Variants in TRIM49 observed in about 807,000 individuals in gnomAD.
TRIM49 encodes tripartite motif-containing protein 49.
A neutral mutation model predicts 27.4 loss-of-function variants in TRIM49; 5 were observed. That is an observed-to-expected ratio of 0.18 (90% CI 0.10 to 0.38). The LOEUF (loss-of-function observed/expected upper bound fraction) is 0.38. Ranked by LOEUF, TRIM49 falls within the 10% of genes least tolerant of loss-of-function variation. The pLI, the probability that TRIM49 is intolerant of heterozygous loss-of-function variation, is 1.00. For missense variants in TRIM49, 188 were observed against 487.5 expected, an observed-to-expected ratio of 0.39 and a Z score of 5.79; for synonymous variants, 69 against 166.0, an observed-to-expected ratio of 0.42 and a Z score of 4.49.
At chr11:89,773,790 T>A in the TRIM49 span, among the ~76,000 whole-genome samples, 1 of 131,798 alleles carries the variant, frequency 7.6e-6, no homozygotes, top group Admixed American at 7.0e-5. Context: ...AATACAAACT[T>A]AGCTGGGCTT....
the TRIM49 span, chr11:89,766,838 C>T: frequency 1.5e-6 from 2 of 1,329,302 alleles, no homozygotes. Flanking sequence ...TAGATTTAAA[C>T]ATTGTGCTAT....
the TRIM49 span, among the ~76,000 whole-genome samples, chr11:89,770,746 G>T: frequency 3.5e-5 from 5 of 142,734 alleles, 2 homozygotes; most frequent in African/African-American, 1.4e-4. Context: ...AGCGCCTGTA[G>T]TCCCAGCTAC....
At chr11:89,795,851 G>T (rs1183654786), downstream of TRIM49, among the ~76,000 whole-genome samples, 6 of 151,674 alleles carry the variant, frequency 4.0e-5, no homozygotes, top group South Asian at 6.3e-4. Flanking sequence ...AAATCTGCAC[G>T]TTGTGCACAT....
At chr11:89,772,187 CT>C in the TRIM49 span, among the ~76,000 whole-genome samples, 1 of 137,692 alleles carries the variant, frequency 7.3e-6, no homozygotes, top group Non-Finnish European at 1.5e-5. Flanking sequence ...AATATATTTT[CT>C]TTTTATTTTC....
At chr11:89,782,119 T>A in the TRIM49 span, 1 of 1,551,200 alleles carries the variant, frequency 6.4e-7, no homozygotes, top group South Asian at 1.2e-5. Flanking sequence ...GAACAGCAGA[T>A]ACCAATATCG....
At chr11:89,773,789 T>C in the TRIM49 span, among the ~76,000 whole-genome samples, 1 of 131,840 alleles carries the variant, frequency 7.6e-6, no homozygotes, top group South Asian at 2.4e-4. Flanking sequence ...AAATACAAAC[T>C]TAGCTGGGCT....
chr11:89,779,952 G>T, the TRIM49 span, among the ~76,000 whole-genome samples: 6,148 of 92,768 alleles, frequency 0.066, 231 homozygotes, highest in East Asian at 0.17. Flanking sequence ...CGGAAGTTTG[G>T]TTTCCCAATC....
chr11:89,775,627 A>C, the TRIM49 span, among the ~76,000 whole-genome samples: 2 of 133,538 alleles, frequency 1.5e-5, 1 homozygote, highest in African/African-American at 6.9e-5. Context: ...AATTCTTGTT[A>C]ATTATTATAG....
At chr11:89,773,235 T>G in the TRIM49 span, among the ~76,000 whole-genome samples, 3 of 131,742 alleles carry the variant, frequency 2.3e-5, no homozygotes, top group African/African-American at 1.0e-4. Flanking sequence ...AAATAATTAT[T>G]ATATAATTTT....
the TRIM49 span, among the ~76,000 whole-genome samples, chr11:89,767,842 T>A: frequency 7.3e-6 from 1 of 136,280 alleles, no homozygotes; most frequent in Non-Finnish European, 1.5e-5. Context: ...AGTCATTAAC[T>A]GCACTGAATT....
At chr11:89,802,366 G>C (rs1403926383) in intron 4 of TRIM49, among the ~76,000 whole-genome samples, 1 of 150,234 alleles carries the variant, frequency 6.7e-6, no homozygotes, top group Non-Finnish European at 1.5e-5. Flanking sequence ...AGTGCATTTC[G>C]CTCAGCAAAA....
the TRIM49 span, chr11:89,777,459 A>T: frequency 1.3e-6 from 2 of 1,523,778 alleles, no homozygotes; most frequent in East Asian, 4.9e-5. Flanking sequence ...TGTGATAATG[A>T]TGGTGATGAG....
chr11:89,783,973 A>G, the TRIM49 span, among the ~76,000 whole-genome samples: 1 of 143,186 alleles, frequency 7.0e-6, no homozygotes, highest in Non-Finnish European at 1.5e-5. Context: ...AGTAGGAGGG[A>G]CAAGAGTATT....
At chr11:89,772,731 G>C in the TRIM49 span, among the ~76,000 whole-genome samples, 3 of 133,230 alleles carry the variant, frequency 2.3e-5, 1 homozygote, top group Non-Finnish European at 4.6e-5. Context: ...TGTGCCCATT[G>C]CTCTATCTGG....
the TRIM49 span, chr11:89,768,808 A>G: frequency 4.3e-5 from 22 of 505,816 alleles, 2 homozygotes; most frequent in Non-Finnish European, 1.2e-5. Flanking sequence ...ATGGCCATTA[A>G]CATACCTTGC....
downstream of TRIM49, among the ~76,000 whole-genome samples, chr11:89,794,060 GT>G (rs759558409): frequency 1.8e-4 from 25 of 140,330 alleles, no homozygotes; most frequent in Non-Finnish European, 2.6e-4. Context: ...CAAAATCAAT[GT>G]GCAAAAATCA....
chr11:89,791,222 G>A, the TRIM49 span, among the ~76,000 whole-genome samples: 7 of 151,840 alleles, frequency 4.6e-5, no homozygotes, highest in East Asian at 1.4e-3. Flanking sequence ...AGTGAACAAA[G>A]CCTCCAAGAA....
At chr11:89,801,066 A>G in intron 5 of TRIM49, 78 bp from the exon 6 acceptor site, 3 of 1,115,730 alleles carry the variant, frequency 2.7e-6, no homozygotes, top group Admixed American at 2.7e-5. Flanking sequence ...TGAGATTTGT[A>G]CTCAGTTTCT....
chr11:89,795,986 G>T (rs1164732174), downstream of TRIM49, among the ~76,000 whole-genome samples: 2 of 151,676 alleles, frequency 1.3e-5, no homozygotes, highest in African/African-American at 4.8e-5. Context: ...TGCTTACCTA[G>T]ATATCCGCAA....
Sources: gnomAD v4.1 joint callset for allele counts (sites outside exome capture counted in the v4.1 genomes callset) on GRCh38, gnomAD v4.1.1 for gene constraint, MANE v1.5 for transcripts, NCBI Gene and HGNC (gene_info 2026-07-23, HGNC 2026-07-21) for gene names.